TTC23L: variants seen among roughly 807,000 people sequenced by gnomAD.
TTC23L encodes tetratricopeptide repeat protein 23-like.
A neutral mutation model predicts 48.1 loss-of-function variants in TTC23L; 42 were observed. That is an observed-to-expected ratio of 0.87 (90% confidence interval 0.68 to 1.13). The LOEUF (loss-of-function observed/expected upper bound fraction) is 1.13. Among genes scored for constraint, TTC23L ranks in the 50% most tolerant of loss-of-function variants. The pLI, the probability that TTC23L is intolerant of heterozygous loss-of-function variation, is 0.00. For missense variants in TTC23L, 391 were observed against 421.0 expected, an observed-to-expected ratio of 0.93 and a Z score of 0.62; for synonymous variants, 159 against 157.2, an observed-to-expected ratio of 1.01 and a Z score of -0.09.
Position 34,868,903 on chromosome 5 carries a change from A to C in TTC23L, c.841-2A>C, listed in dbSNP as rs1160746684. 10 of 1,601,678 alleles carry C rather than the reference A, an allele frequency of 6.2e-6. No homozygotes were observed. Among genetic ancestry groups the C allele is most frequent in the Non-Finnish European group, 8.5e-6 (10 of 1,173,672 alleles). On this transcript the variant is annotated splice_acceptor_variant, in intron 7 of 10. Coordinates refer to ENST00000505624, the Ensembl canonical transcript of TTC23L. LOFTEE classifies it high-confidence loss of function. ...ACCTTGTCATGATTTTCTTTATTCCAGGCTCATTCTGTCTGTGTTTCTTTG... is the reference window on the plus strand; with the variant it reads ...ACCTTGTCATGATTTTCTTTATTCCCGGCTCATTCTGTCTGTGTTTCTTTG...
At chr5:34,909,303 G>C in the TTC23L span, 5 of 1,611,284 alleles carry the variant, frequency 3.1e-6, no homozygotes, top group Non-Finnish European at 4.2e-6. Context: ...CATCAAATCA[G>C]AATCTTTGGG....
chr5:34,839,459 A>AT (rs1363955190), intron 1 of TTC23L, 200 bp downstream of exon 1: 1 of 190,254 alleles, frequency 5.3e-6, no homozygotes, highest in Non-Finnish European at 9.7e-6. Flanking sequence ...GACTTGCCGC[A>AT]GAACCACAGC....
intron 4 of TTC23L, among the ~76,000 whole-genome samples, chr5:34,851,514 G>T (rs1759672439): frequency 6.6e-6 from 1 of 152,144 alleles, no homozygotes; most frequent in Non-Finnish European, 1.5e-5. Flanking sequence ...GATGCTGTGG[G>T]TCACAGTGGG....
chr5:34,861,452 GCTT>G (rs1346760885), intron 4 of TTC23L: 2 of 153,426 alleles, frequency 1.3e-5, no homozygotes, highest in Admixed American at 1.3e-4. Flanking sequence ...CATTTGAAAT[GCTT>G]TTTTATGGTT....
chr5:34,925,515 G>A, the TTC23L span: 1 of 1,590,176 alleles, frequency 6.3e-7, no homozygotes. Context: ...AACCTGATTT[G>A]TTTTTCAGTT....
At chr5:34,877,014 A>G (rs991025755) in intron 8 of TTC23L, among the ~76,000 whole-genome samples, 1 of 152,226 alleles carries the variant, frequency 6.6e-6, no homozygotes, top group Non-Finnish European at 1.5e-5. Context: ...ATTTAAAAAA[A>G]AACAAAACTG....
At chr5:34,846,782 G>C (rs548385472) in intron 3 of TTC23L, among the ~76,000 whole-genome samples, 3 of 151,148 alleles carry the variant, frequency 2.0e-5, no homozygotes, top group Admixed American at 2.0e-4. Context: ...AGGAGGTTGA[G>C]AACAGGTAGG....
At chr5:34,879,679 C>A (rs1049494850) in intron 8 of TTC23L, among the ~76,000 whole-genome samples, 3 of 151,984 alleles carry the variant, frequency 2.0e-5, no homozygotes, top group African/African-American at 7.2e-5. Flanking sequence ...AGAATAAAAA[C>A]CAAAACATCA....
chr5:34,891,099 C>T (rs561578520), intron 9 of TTC23L, among the ~76,000 whole-genome samples: 1 of 152,246 alleles, frequency 6.6e-6, no homozygotes, highest in South Asian at 2.1e-4. Context: ...GTCTTAAATG[C>T]CCAATGAATG....
At chr5:34,893,485 A>G (rs1410573505) in intron 9 of TTC23L, among the ~76,000 whole-genome samples, 6 of 152,192 alleles carry the variant, frequency 3.9e-5, no homozygotes, top group Admixed American at 3.3e-4. Flanking sequence ...AGGCTTAGGA[A>G]AGAACTTTGG....
the TTC23L span, chr5:34,915,933 G>C: frequency 6.7e-7 from 1 of 1,499,240 alleles, no homozygotes. Flanking sequence ...ACCTGCGGCG[G>C]CGGCTCTGTG....
intron 10 of TTC23L, among the ~76,000 whole-genome samples, chr5:34,898,359 C>G (rs1297811823): frequency 3.3e-5 from 5 of 152,202 alleles, no homozygotes; most frequent in Admixed American, 3.3e-4. Context: ...CACTGTTAGT[C>G]TCATAGACAA....
In TTC23L at chr5:34,863,155, T is replaced by C. The variant is rs1475140216; in HGVS notation, c.536+101T>C. The C allele has an allele frequency of 4.1e-6, 6 of 1,474,776 alleles. No homozygotes were observed. Among genetic ancestry groups the C allele is most frequent in the Non-Finnish European group, 5.6e-6 (6 of 1,079,792 alleles). The allele number at this position is 1,474,776 out of a possible 1,614,324, so 91.4% of individuals were successfully genotyped here. On this transcript the variant is annotated intron_variant, in intron 5 of 10. Coordinates refer to ENST00000505624, the Ensembl canonical transcript of TTC23L. The surrounding 1 kb of genome is among the most constrained non-coding windows in gnomAD (Gnocchi z 4.1). ...GAGGGTGGGAGATGGAACCAAGGCC[T>C]TGTAGATCTGTTCCAACATCAAGGC...
At chr5:34,883,981 A>T (rs1041003782) in intron 9 of TTC23L, among the ~76,000 whole-genome samples, 1 of 152,216 alleles carries the variant, frequency 6.6e-6, no homozygotes, top group African/African-American at 2.4e-5. Flanking sequence ...ATATCCCTGA[A>T]TGCATATAGA....
the TTC23L span, among the ~76,000 whole-genome samples, chr5:34,910,967 CT>C: frequency 6.6e-6 from 1 of 152,164 alleles, no homozygotes; most frequent in African/African-American, 2.4e-5. Context: ...GGAAGCCAGC[CT>C]TGAGCAATCC....
the TTC23L span, chr5:34,906,215 C>T: frequency 6.6e-6 from 1 of 152,074 alleles, no homozygotes; most frequent in African/African-American, 2.4e-5. Flanking sequence ...CCTCGGCTTC[C>T]CAAAATGCTG....
chr5:34,915,639 C>A, the TTC23L span: 1 of 1,402,224 alleles, frequency 7.1e-7, no homozygotes, highest in South Asian at 1.5e-5. Flanking sequence ...GGAGGACGAC[C>A]GCGGAGCTGA....
intron 7 of TTC23L, 37 bp downstream of exon 7, chr5:34,867,106 TG>T (rs1761113153): frequency 1.3e-6 from 2 of 1,588,270 alleles, no homozygotes; most frequent in Non-Finnish European, 8.6e-7. Flanking sequence ...TGGGTTGCCT[TG>T]TTTGGCCCCA....
intron 8 of TTC23L, among the ~76,000 whole-genome samples, chr5:34,877,007 T>TA (rs544736997): frequency 3.5e-4 from 53 of 150,352 alleles, no homozygotes; most frequent in South Asian, 2.3e-3. Flanking sequence ...TATCAAGATT[T>TA]AAAAAAAAAC....
Sources: allele counts gnomAD v4.1 joint callset (sites outside exome capture counted in the v4.1 genomes callset), GRCh38; gene constraint gnomAD v4.1.1; non-coding constraint Gnocchi (gnomAD v3.1); transcripts MANE v1.5; gene names NCBI Gene and HGNC (gene_info 2026-07-23, HGNC 2026-07-21).